Variants in RUNX1 observed in about 807,000 individuals in gnomAD.
RUNX1 encodes runt-related transcription factor 1.
Under a neutral mutation model 42.8 loss-of-function variants are expected in RUNX1, and 19 were observed. The observed-to-expected ratio is 0.44, with a 90% CI of 0.31 to 0.65. RUNX1 has a LOEUF of 0.65. Among genes scored for constraint, RUNX1 ranks in the 30% least tolerant of loss-of-function variants. RUNX1 has a pLI of 0.07. For missense variants in RUNX1, 528 were observed against 672.0 expected (o/e 0.79, Z 2.37); for synonymous variants, 271 against 289.4 (o/e 0.94, Z 0.64).
chr21:35,011,003 T>A (rs1361305413), intron 2 of RUNX1, among the ~76,000 whole-genome samples: 1 of 152,232 alleles, frequency 6.6e-6, no homozygotes, highest in African/African-American at 2.4e-5. Context: ...ATTACTATAT[T>A]TTGTAAGTGA....
At chr21:34,904,837 C>A (rs2058205055) in intron 2 of RUNX1, among the ~76,000 whole-genome samples, 1 of 152,118 alleles carries the variant, frequency 6.6e-6, no homozygotes, top group Non-Finnish European at 1.5e-5. Context: ...TTAGGAAGAA[C>A]CTCACGTTTT....
intron 2 of RUNX1, among the ~76,000 whole-genome samples, chr21:34,945,086 C>T (rs2058554733): frequency 6.6e-6 from 1 of 152,112 alleles, no homozygotes; most frequent in African/African-American, 2.4e-5. Context: ...TAGATATTAT[C>T]AAGATGTATA....
chr21:34,921,522 A>C (rs1292718043), intron 2 of RUNX1, among the ~76,000 whole-genome samples: 1 of 152,192 alleles, frequency 6.6e-6, no homozygotes, highest in Non-Finnish European at 1.5e-5. Context: ...TTGTTTGTCC[A>C]TTTGTGTGTC....
chr21:34,966,061 C>T (rs927688349), intron 2 of RUNX1, among the ~76,000 whole-genome samples: 14 of 152,202 alleles, frequency 9.2e-5, no homozygotes, highest in Admixed American at 9.2e-4. Flanking sequence ...TGAGGTCTCA[C>T]ATTCAGTTAC....
chr21:34,823,430 G>T (rs906872891), intron 7 of RUNX1, among the ~76,000 whole-genome samples: 14 of 99,664 alleles, frequency 1.4e-4, no homozygotes, highest in African/African-American at 6.7e-4. Flanking sequence ...TTCCTGGTGG[G>T]TTTTTTTTTT....
intron 2 of RUNX1, among the ~76,000 whole-genome samples, chr21:34,965,426 G>C (rs1468783602): frequency 6.6e-6 from 1 of 151,970 alleles, no homozygotes; most frequent in Non-Finnish European, 1.5e-5. Flanking sequence ...CGTAGGGCCA[G>C]ATACTTCCGT....
In RUNX1 at chr21:34,834,504, C is replaced by T. The variant is rs1391571170; in HGVS notation, c.711G>A (p.Arg237=). 1.2e-6 allele frequency: 2 copies of T among 1,613,426 alleles called. No homozygotes were observed. The highest frequency in any genetic ancestry group is 1.7e-5 in the Admixed American group (1 of 59,972). ...TGGGGGCTGGGTGGTGTGGGCTGAC[C>T]CTCATGGCTGTGCGCCGCAGCTGCT... ...ELEQLRRTAM[R]VSPHHPAPTP... Residue 237 remains arginine (R), a synonymous_variant, in exon 7 of 9, where the codon AGG becomes AGA. Transcript: ENST00000675419.
chr21:34,885,420 GA>G (rs1305569194), intron 4 of RUNX1, among the ~76,000 whole-genome samples: 1 of 152,108 alleles, frequency 6.6e-6, no homozygotes, highest in East Asian at 1.9e-4. Flanking sequence ...CGGAGGGAGG[GA>G]AAAAAGAGTC....
intron 6 of RUNX1, among the ~76,000 whole-genome samples, chr21:34,838,320 A>G (rs926187124): frequency 6.6e-6 from 1 of 152,234 alleles, no homozygotes; most frequent in Non-Finnish European, 1.5e-5. Context: ...AGATAGAATA[A>G]AGAATTTTCT....
chr21:35,005,799 T>A (rs2059080107), intron 2 of RUNX1, among the ~76,000 whole-genome samples: 1 of 152,226 alleles, frequency 6.6e-6, no homozygotes. Context: ...AAGTACCCTT[T>A]GAATTTCATG....
At chr21:34,975,927 G>A (rs548375837) in intron 2 of RUNX1, among the ~76,000 whole-genome samples, 1 of 152,210 alleles carries the variant, frequency 6.6e-6, no homozygotes, top group Admixed American at 6.5e-5. Context: ...GATGGATTGA[G>A]ACTAAATTAT....
intron 6 of RUNX1, among the ~76,000 whole-genome samples, chr21:34,855,734 A>C (rs1210874859): frequency 1.3e-5 from 2 of 152,098 alleles, no homozygotes; most frequent in African/African-American, 4.8e-5. Context: ...AACAAACAAA[A>C]AACTCTCAAA....
At chr21:34,911,696 A>G (rs1569100739) in intron 2 of RUNX1, among the ~76,000 whole-genome samples, 1 of 152,124 alleles carries the variant, frequency 6.6e-6, no homozygotes. Flanking sequence ...GGCACTCAGA[A>G]TTCCAGGCCC....
At position 34,843,305 on chromosome 21, in the gene RUNX1, CACAG is replaced by C. The variant is rs1256813617; in HGVS notation, c.614-8708_614-8705del. ...ACACAGACACATATATTAAGACATG[CACAG>C]ACACACATACACATACAGACACAAA... On this transcript the variant is annotated intron_variant, in intron 6 of 8. Coordinates refer to ENST00000675419, the MANE Select transcript of RUNX1 (RefSeq NM_001754.5). The surrounding 1 kb of genome is among the most constrained non-coding windows in gnomAD (Gnocchi z 4.8). 2.0e-5 allele frequency among the ~76,000 whole-genome samples: 3 copies of C among 152,014 alleles called. No individual in the cohort carries two copies. The highest frequency in any genetic ancestry group is 7.3e-5 in the African/African-American group (3 of 41,376).
At chr21:35,044,146 C>G (rs1482922606) in intron 2 of RUNX1, among the ~76,000 whole-genome samples, 1 of 152,152 alleles carries the variant, frequency 6.6e-6, no homozygotes, top group African/African-American at 2.4e-5. Flanking sequence ...GGTGAAAAGC[C>G]CTTAGGGTGG....
intron 7 of RUNX1, among the ~76,000 whole-genome samples, chr21:34,805,027 A>G (rs1490149651): frequency 1.3e-5 from 2 of 152,142 alleles, no homozygotes; most frequent in African/African-American, 4.8e-5. Flanking sequence ...TGCTGGGATT[A>G]CAGGCATGAG....
chr21:34,865,246 G>T (rs1325305911), intron 5 of RUNX1, among the ~76,000 whole-genome samples: 2 of 151,394 alleles, frequency 1.3e-5, no homozygotes, highest in Non-Finnish European at 2.9e-5. Context: ...GATGAAGTAG[G>T]CACTGACGTC....
intron 2 of RUNX1, among the ~76,000 whole-genome samples, chr21:34,958,847 A>C (rs1291718833): frequency 1.3e-5 from 2 of 152,084 alleles, no homozygotes; most frequent in Non-Finnish European, 2.9e-5. Context: ...TGGCACATAT[A>C]CACCATGGAA....
intron 2 of RUNX1, among the ~76,000 whole-genome samples, chr21:34,979,556 T>C (rs1181752695): frequency 1.3e-5 from 2 of 152,238 alleles, no homozygotes; most frequent in East Asian, 3.8e-4. Flanking sequence ...ACCACCAGAC[T>C]GCTATTTAGC....
Sources: gnomAD v4.1 joint callset for allele counts (sites outside exome capture counted in the v4.1 genomes callset) on GRCh38, gnomAD v4.1.1 for gene constraint, Gnocchi (gnomAD v3.1) non-coding constraint, MANE v1.5 for transcripts, NCBI Gene and HGNC (gene_info 2026-07-23, HGNC 2026-07-21) for gene names.